Variants in ELP6 observed in about 807,000 individuals in gnomAD.
ELP6 encodes the protein elongator acetyltransferase complex subunit 6.
A neutral mutation model predicts 28.1 loss-of-function variants in ELP6; 23 were observed. The observed-to-expected ratio is 0.82, with a 90% confidence interval of 0.59 to 1.16. The LOEUF (loss-of-function observed/expected upper bound fraction) is 1.16, where lower values mean the gene tolerates loss of function less well. ELP6 is among the 50% of genes most tolerant of loss of function. ELP6 has a pLI of 0.00. For synonymous variants in ELP6, 132 were observed against 135.8 expected, an observed-to-expected ratio of 0.97 and a Z score of 0.19; for missense variants, 313 against 334.6, an observed-to-expected ratio of 0.94 and a Z score of 0.50.
chr3:47,510,299 C>T (rs763792366), intron 2 of ELP6, 45 bp from the exon 3 acceptor site: 1 of 1,544,106 alleles, frequency 6.5e-7, no homozygotes, highest in South Asian at 1.1e-5. Flanking sequence ...CTGGTTACAA[C>T]CAGACTCACT....
intron 3 of ELP6, among the ~76,000 whole-genome samples, chr3:47,507,829 A>ATTTATG (rs1040509064): frequency 1.3e-5 from 2 of 152,118 alleles, no homozygotes; most frequent in African/African-American, 4.8e-5. Flanking sequence ...CTACCACTCT[A>ATTTATG]TTTATGTAAG....
At chr3:47,501,582 T>G in intron 5 of ELP6, 68 bp downstream of exon 5, 3 of 1,482,428 alleles carry the variant, frequency 2.0e-6, no homozygotes, top group Non-Finnish European at 2.8e-6. Flanking sequence ...AGCAAGCAAG[T>G]GAGGTCTGGA....
intron 1 of ELP6, 51 bp downstream of exon 1, chr3:47,513,485 AT>A (rs2029969961): frequency 9.4e-6 from 15 of 1,592,018 alleles, no homozygotes; most frequent in Middle Eastern, 1.7e-4. Context: ...CGGATGCAGT[AT>A]TCCGCTGCCC....
chr3:47,508,664 G>A (rs1254111294), intron 3 of ELP6, among the ~76,000 whole-genome samples: 1 of 152,042 alleles, frequency 6.6e-6, no homozygotes. Context: ...ATAAACCCAA[G>A]TGTGGTGTAT....
chr3:47,498,285 C>T lies in ELP6; in HGVS notation c.672+1G>A. ...CTGTTGCCCAGGAGGCCCCTGCATA[C>T]CTGCCCGTGCACATCCCTGCAGAAG... On this transcript the variant is annotated splice_donor_variant, in intron 6 of 6. Coordinates refer to ENST00000296149, the MANE Select transcript of ELP6 (RefSeq NM_001031703.3). LOFTEE classifies it high-confidence loss of function. 1.9e-6 allele frequency: 3 copies of T among 1,613,238 alleles called. No homozygotes were observed. The highest frequency in any genetic ancestry group is 2.7e-5 in the African/African-American group (2 of 75,060).
In ELP6 at chr3:47,496,060, GA is replaced by G; in HGVS notation, c.*8del. On this transcript the variant is annotated 3_prime_UTR_variant, in exon 7 of 7. Transcript: ENST00000296149. ...AGTCCTATGTAGCTTCAGCTGCTCC[GA>G]AATCAGGTCACAGAACAGCAGGAGA... The G allele has an allele frequency of 1.9e-6, 3 of 1,613,996 alleles. No individual in the cohort carries two copies. The highest frequency in any genetic ancestry group is 2.5e-6 in the Non-Finnish European group (3 of 1,179,984).
At chr3:47,513,505 C>T in intron 1 of ELP6, 32 bp downstream of exon 1, 1 of 1,607,918 alleles carries the variant, frequency 6.2e-7, no homozygotes, top group African/African-American at 1.3e-5. Context: ...CCTGCCAGGT[C>T]CCGCCCCCTT....
chr3:47,511,357 G>A (rs1160159202), intron 1 of ELP6, 131 bp from the exon 2 acceptor site: 1 of 1,423,960 alleles, frequency 7.0e-7, no homozygotes, highest in East Asian at 2.5e-5. Context: ...TGACATACAT[G>A]CTAAGGTACC....
Position 47,504,407 on chromosome 3 carries a change from C to T in ELP6, c.246G>A (p.Val82=), listed in dbSNP as rs373059545. The T allele has an allele frequency of 6.9e-5, 111 of 1,609,258 alleles. No individual in the cohort carries two copies. In the African/African-American group the frequency reaches 1.5e-3, roughly 21 times the overall value. ...CTGCAGACTTGAGTCCCTCAAGGAA[C>T]ACAAGCTGCCCACGCTCCCGCGCCA... is the stretch of plus-strand genomic sequence containing the variant. ...LTMARERGQL[V]FLEGLKSAVD... is the part of the protein sequence containing the mutation. The change falls in exon 4 of 7, where the codon GTG becomes GTA. Residue 82 remains valine, a synonymous_variant. Transcript: ENST00000296149.
intron 5 of ELP6, chr3:47,499,657 C>T: frequency 1.3e-6 from 1 of 761,248 alleles, no homozygotes; most frequent in Non-Finnish European, 1.6e-6. Flanking sequence ...CGCACCACTG[C>T]ACTCTAGCCT....
At chr3:47,497,387 A>C (rs1708509551) in intron 6 of ELP6, 1 of 973,680 alleles carries the variant, frequency 1.0e-6, no homozygotes, top group South Asian at 4.8e-5. Context: ...CCCAGGCTGG[A>C]GTGCAGTGGC....
chr3:47,496,751 C>T (rs1708491816), intron 6 of ELP6: 2 of 978,464 alleles, frequency 2.0e-6, no homozygotes, highest in Non-Finnish European at 2.4e-6. Context: ...ACCTCGGCCT[C>T]CCAAAGTGCT....
intron 3 of ELP6, among the ~76,000 whole-genome samples, chr3:47,507,980 A>G (rs965551381): frequency 7.9e-6 from 1 of 126,722 alleles, no homozygotes; most frequent in Non-Finnish European, 1.8e-5. Flanking sequence ...ACACACAGCT[A>G]TCTCATCCTG....
intron 3 of ELP6, among the ~76,000 whole-genome samples, chr3:47,507,856 G>A (rs1374677081): frequency 1.3e-5 from 2 of 151,792 alleles, no homozygotes; most frequent in Non-Finnish European, 2.9e-5. Flanking sequence ...AATATGCCAC[G>A]AGTATAGAAG....
intron 2 of ELP6, 113 bp from the exon 3 acceptor site, chr3:47,510,367 G>C: frequency 1.3e-6 from 1 of 750,756 alleles, no homozygotes; most frequent in Non-Finnish European, 2.2e-6. Context: ...CAGAGGCTTT[G>C]CAACCTGACA....
chr3:47,511,298 A>T, intron 1 of ELP6, 72 bp from the exon 2 acceptor site: 1 of 1,548,040 alleles, frequency 6.5e-7, no homozygotes, highest in Non-Finnish European at 8.8e-7. Context: ...AAATCTAGTC[A>T]ATTGTGTCCA....
At chr3:47,497,929 T>TAA in intron 6 of ELP6, 2 of 811,148 alleles carry the variant, frequency 2.5e-6, no homozygotes, top group Non-Finnish European at 3.0e-6. Context: ...AGACTCCGTC[T>TAA]AAAAAAAAAA....
At position 47,508,863 on chromosome 3, in the gene ELP6, C is replaced by T. The variant is rs1708927579; in HGVS notation, c.204+1321G>A. 2.7e-5 allele frequency among the ~76,000 whole-genome samples: 4 copies of T among 149,166 alleles called. No individual in the cohort carries two copies. In the Admixed American group the frequency reaches 2.7e-4, roughly 10 times the overall value. On this transcript the variant is annotated intron_variant, in intron 3 of 6. Transcript: ENST00000296149. ...CACTGCAAGCTCCGCCTCCTGGGTTCACTCAATTCTCCTGCCTCAGTCTCC... is the reference window on the plus strand; with the variant it reads ...CACTGCAAGCTCCGCCTCCTGGGTTTACTCAATTCTCCTGCCTCAGTCTCC...
chr3:47,510,159 C>A (rs1363126010), intron 3 of ELP6, 25 bp downstream of exon 3: 29 of 1,588,724 alleles, frequency 1.8e-5, no homozygotes, highest in Non-Finnish European at 2.4e-5. Flanking sequence ...TCAGGGACCT[C>A]ATCATGGAGC....
Sources: allele counts gnomAD v4.1 joint callset (sites outside exome capture counted in the v4.1 genomes callset), GRCh38; gene constraint gnomAD v4.1.1; transcripts MANE v1.5; gene names NCBI Gene and HGNC (gene_info 2026-07-23, HGNC 2026-07-21).